The following SEC24D variants were observed in gnomAD, a reference collection of about 807,000 sequenced individuals.
SEC24D encodes the protein protein transport protein Sec24D.
Under a neutral mutation model 116.9 loss-of-function variants are expected in SEC24D, and 69 were observed. That is an observed-to-expected ratio of 0.59 (90% CI 0.49 to 0.72). The LOEUF (loss-of-function observed/expected upper bound fraction) is 0.72. Among genes scored for constraint, SEC24D ranks in the 30% least tolerant of loss-of-function variants. SEC24D has a pLI of 0.00. For synonymous variants in SEC24D, 405 were observed against 442.8 expected, an observed-to-expected ratio of 0.91 and a Z score of 1.07; for missense variants, 1,131 against 1,264.1, an observed-to-expected ratio of 0.89 and a Z score of 1.60.
chr4:118,814,748 A>G lies in SEC24D; in HGVS notation c.801+280T>C, dbSNP rs553326745. On this transcript the variant is annotated intron_variant, in intron 6 of 22. Coordinates refer to ENST00000280551, the MANE Select transcript of SEC24D (RefSeq NM_014822.4). The stretch of plus-strand genomic sequence containing the variant: ...ATAGCGATACTGCCAAAATATGTCA[A>G]TGTAAACATTGTAGACACTGCCAAG... Among the ~76,000 whole-genome samples, 3 of 152,306 alleles carry G rather than the reference A, an allele frequency of 2.0e-5. No homozygotes were observed. In the South Asian group the frequency reaches 6.2e-4, roughly 32 times the overall value.
Position 118,819,561 on chromosome 4 carries a change from C to T in SEC24D, c.249-2149G>A, listed in dbSNP as rs528512710. 2.1e-5 allele frequency among the ~76,000 whole-genome samples: 3 copies of T among 142,684 alleles called. No homozygotes were observed. In the Admixed American group the frequency reaches 2.1e-4, roughly 10 times the overall value. 93.6% of individuals were successfully genotyped at this position (142,684 alleles called of 152,430 possible). A position where few individuals can be genotyped will look rare whatever the true frequency, so the allele number is the denominator to read the frequency against. On this transcript the variant is annotated intron_variant, in intron 3 of 22. Coordinates refer to ENST00000280551, the MANE Select transcript of SEC24D (RefSeq NM_014822.4). ...AAAAAAAAAAAAAAAAAAAGTTTGT[C>T]ATAGGGAATAAATGAAGTAATTACA...
intron 7 of SEC24D, among the ~76,000 whole-genome samples, chr4:118,801,055 A>G (rs979563795): frequency 9.2e-5 from 14 of 152,090 alleles, no homozygotes; most frequent in Admixed American, 6.6e-5. Context: ...AGGTCAGGAG[A>G]TTGAGACCAT....
chr4:118,765,829 TAAAA>T (rs34403499), intron 9 of SEC24D, among the ~76,000 whole-genome samples: 1 of 150,188 alleles, frequency 6.7e-6, no homozygotes, highest in African/African-American at 2.4e-5. Flanking sequence ...GTTCTTTTTT[TAAAA>T]AAAAAACCCA....
At chr4:118,802,703 C>G (rs1228483792) in intron 7 of SEC24D, among the ~76,000 whole-genome samples, 1 of 152,182 alleles carries the variant, frequency 6.6e-6, no homozygotes, top group Non-Finnish European at 1.5e-5. Flanking sequence ...CATACTCTTT[C>G]CATACTATAC....
At chr4:118,816,816 C>A (rs1371797761) in intron 4 of SEC24D, 1 of 455,814 alleles carries the variant, frequency 2.2e-6, no homozygotes, top group East Asian at 7.0e-5. Flanking sequence ...CTCTTTTCTG[C>A]CTCACAACAT....
chr4:118,757,540 G>C (rs1002155591), intron 11 of SEC24D, among the ~76,000 whole-genome samples, 181 bp downstream of exon 11: 10 of 151,900 alleles, frequency 6.6e-5, no homozygotes, highest in African/African-American at 2.4e-5. Flanking sequence ...CTTTTGCTTT[G>C]TACAAAAGAT....
intron 6 of SEC24D, among the ~76,000 whole-genome samples, chr4:118,807,180 A>T (rs1729714209): frequency 1.3e-5 from 2 of 152,178 alleles, no homozygotes; most frequent in Admixed American, 1.3e-4. Context: ...GTAAGACACA[A>T]ATGGTATAAA....
At chr4:118,806,023 T>G in intron 6 of SEC24D, 69 bp from the exon 7 acceptor site, 1 of 969,322 alleles carries the variant, frequency 1.0e-6, no homozygotes, top group Non-Finnish European at 1.6e-6. Flanking sequence ...ATTTAGAGAG[T>G]ACCCTTGCTC....
At chr4:118,789,412 G>A (rs1050291910) in intron 8 of SEC24D, among the ~76,000 whole-genome samples, 1 of 152,140 alleles carries the variant, frequency 6.6e-6, no homozygotes, top group Non-Finnish European at 1.5e-5. Context: ...GTAACGTATT[G>A]GTGCTGGGCT....
chr4:118,816,211 G>A (rs868686641), intron 4 of SEC24D, among the ~76,000 whole-genome samples: 211 of 150,700 alleles, frequency 1.4e-3, no homozygotes, highest in African/African-American at 4.7e-3. Context: ...TTATAGGTGT[G>A]AGCCACCATG....
At chr4:118,757,476 T>C (rs1259087658) in intron 11 of SEC24D, among the ~76,000 whole-genome samples, 1 of 152,190 alleles carries the variant, frequency 6.6e-6, no homozygotes, top group Non-Finnish European at 1.5e-5. Flanking sequence ...TCTTATAATT[T>C]ATAATGTACT....
At chr4:118,821,673 A>G (rs1730410407) in intron 3 of SEC24D, among the ~76,000 whole-genome samples, 1 of 152,230 alleles carries the variant, frequency 6.6e-6, no homozygotes, top group Non-Finnish European at 1.5e-5. Flanking sequence ...ACTAAGTACA[A>G]ATGACACAGA....
In SEC24D at chr4:118,805,845, T is replaced by C; in HGVS notation, c.911A>G (p.Gln304Arg). ...LVTTDCMIQD[Q>R]GNASPRFIRC... is the part of the protein sequence containing the mutation. Reference sequence around the variant, plus strand: ...ATGGCATAATTAAAAACAAATACCTTGGTCTTGTATCATGCAATCTGTAGT... The same window carrying C: ...ATGGCATAATTAAAAACAAATACCTCGGTCTTGTATCATGCAATCTGTAGT... The change falls in exon 7 of 23, where the codon CAA (glutamine) becomes CGA (arginine). Residue 304 changes from glutamine (Q) to arginine (R), a missense_variant and splice_region_variant. Gln to Arg is a conservative substitution (Grantham distance 43). Transcript: ENST00000280551. 1 of 1,522,290 alleles carries C rather than the reference T, an allele frequency of 6.6e-7. No homozygotes were observed. The highest frequency in any genetic ancestry group is 8.8e-7 in the Non-Finnish European group (1 of 1,140,350). The allele number at this position is 1,522,290 out of a possible 1,614,324, so 94.3% of individuals were successfully genotyped here. A position where few individuals can be genotyped will look rare whatever the true frequency, so the allele number is the denominator to read the frequency against.
At chr4:118,773,870 C>A (rs1728020285) in intron 8 of SEC24D, among the ~76,000 whole-genome samples, 1 of 152,096 alleles carries the variant, frequency 6.6e-6, no homozygotes, top group South Asian at 2.1e-4. Context: ...GTTCAATAGG[C>A]TATTTACCGT....
intron 19 of SEC24D, among the ~76,000 whole-genome samples, chr4:118,733,748 C>T (rs773706765): frequency 2.0e-5 from 3 of 152,106 alleles, no homozygotes; most frequent in African/African-American, 7.2e-5. Flanking sequence ...ACACGTTCTT[C>T]CTCCCATGTT....
chr4:118,755,906 T>C (rs564981601), intron 11 of SEC24D, among the ~76,000 whole-genome samples: 28 of 152,280 alleles, frequency 1.8e-4, no homozygotes, highest in African/African-American at 6.7e-4. Flanking sequence ...CAGTATCCTT[T>C]TATTTTTTCC....
chr4:118,803,356 G>C (rs1242393116), intron 7 of SEC24D, among the ~76,000 whole-genome samples: 4 of 152,092 alleles, frequency 2.6e-5, no homozygotes, highest in Non-Finnish European at 5.9e-5. Flanking sequence ...CATGTATTAT[G>C]CTCTCTCCCA....
chr4:118,748,677 G>A (rs1726666194), intron 13 of SEC24D, among the ~76,000 whole-genome samples: 2 of 152,064 alleles, frequency 1.3e-5, no homozygotes, highest in South Asian at 4.1e-4. Context: ...ACCCTCGACA[G>A]AGCTTATTAT....
In SEC24D at chr4:118,764,841, T is replaced by C; in HGVS notation, c.1257A>G (p.Leu419=). The change falls in exon 10 of 23, where the codon CTA becomes CTG. Residue 419 remains leucine, a synonymous_variant. Coordinates refer to ENST00000280551, the MANE Select transcript of SEC24D (RefSeq NM_014822.4). ...AAGTGGCAACATATTCATAAGATCC[T>C]AGAGATAACTCTGGTTTCTCATAGT... ...LDHYEKPELS[L]GSYEYVATLD... 6.2e-7 allele frequency: 1 copy of C among 1,609,446 alleles called. No homozygotes were observed. The highest frequency in any genetic ancestry group is 1.1e-5 in the South Asian group (1 of 90,966).
Sources: gnomAD v4.1 joint callset for allele counts (sites outside exome capture counted in the v4.1 genomes callset) on GRCh38, gnomAD v4.1.1 for gene constraint, MANE v1.5 for transcripts, NCBI Gene and HGNC (gene_info 2026-07-23, HGNC 2026-07-21) for gene names.